Variants in DGKB observed in about 807,000 individuals in gnomAD.
DGKB encodes the protein diacylglycerol kinase beta.
DGKB carries 67 observed loss-of-function variants against 114.3 expected under a neutral mutation model. The ratio of observed to expected loss-of-function variants is 0.59; its 90% confidence interval spans 0.48 to 0.72. The LOEUF (loss-of-function observed/expected upper bound fraction) is 0.72. DGKB is among the 30% of genes least tolerant of loss of function. The pLI is 0.00. For missense variants in DGKB, 907 were observed against 975.2 expected (o/e 0.93, Z 0.93); for synonymous variants, 398 against 323.1 (o/e 1.23, Z -2.49).
chr7:14,313,831 G>A (rs1464668016), intron 23 of DGKB, among the ~76,000 whole-genome samples: 1 of 152,170 alleles, frequency 6.6e-6, no homozygotes, highest in Non-Finnish European at 1.5e-5. Flanking sequence ...TGGGGGCAGG[G>A]CACAGACAAA....
At chr7:14,723,815 T>C (rs927858494) in intron 5 of DGKB, among the ~76,000 whole-genome samples, 2 of 152,184 alleles carry the variant, frequency 1.3e-5, no homozygotes, top group African/African-American at 4.8e-5. Context: ...GCATTAGTCA[T>C]ATCGAATGTT....
chr7:14,289,216 G>A (rs1053102603), intron 23 of DGKB, among the ~76,000 whole-genome samples: 6 of 149,498 alleles, frequency 4.0e-5, no homozygotes, highest in South Asian at 4.3e-4. Flanking sequence ...TTGGTGACTC[G>A]TGCTTGAAAA....
chr7:14,794,703 A>G (rs1841154918), intron 2 of DGKB, among the ~76,000 whole-genome samples: 1 of 152,166 alleles, frequency 6.6e-6, no homozygotes, highest in Non-Finnish European at 1.5e-5. Context: ...GTCTGGCAGG[A>G]GGTCTACAGT....
intron 23 of DGKB, chr7:14,191,894 GA>G: frequency 1.8e-6 from 1 of 553,286 alleles, no homozygotes. Context: ...TGAGCTGAAG[GA>G]AAAGATTGAT....
At chr7:14,335,400 CA>C (rs960175024) in intron 23 of DGKB, among the ~76,000 whole-genome samples, 5 of 151,772 alleles carry the variant, frequency 3.3e-5, no homozygotes, top group African/African-American at 1.2e-4. Flanking sequence ...TCTCCCCCTC[CA>C]AAAGAAACTA....
At chr7:14,915,099 G>T (rs938365055) in intron 1 of DGKB, among the ~76,000 whole-genome samples, 2 of 152,188 alleles carry the variant, frequency 1.3e-5, no homozygotes, top group African/African-American at 4.8e-5. Context: ...AGGCATGGTG[G>T]CTCACACCTG....
chr7:14,170,191 A>AAGAAAGAAAGAG (rs1780771605), intron 25 of DGKB, among the ~76,000 whole-genome samples: 8 of 144,954 alleles, frequency 5.5e-5, no homozygotes, highest in Admixed American at 2.1e-4. Flanking sequence ...GAAAGAAAGA[A>AAGAAAGAAAGAG]AGAAAGAAAG....
chr7:14,961,878 G>A (rs182328211), intron 1 of DGKB, among the ~76,000 whole-genome samples: 12 of 152,054 alleles, frequency 7.9e-5, no homozygotes, highest in African/African-American at 2.4e-5. Flanking sequence ...CTCAGCCTCT[G>A]CTGCTCAGAG....
rs192881668 is a variant in DGKB, at chr7:14,145,342, A to G, written c.*3789T>C. On this transcript the variant is annotated 3_prime_UTR_variant, in exon 26 of 26. Transcript: ENST00000402815. ...TTACAAGGGTTTAATCTTTTAATAGAGATATTATTCAGTTATTTGAAAAAT... is the reference window on the plus strand; with the variant it reads ...TTACAAGGGTTTAATCTTTTAATAGGGATATTATTCAGTTATTTGAAAAAT... 6.6e-6 allele frequency: 1 copy of G among 152,310 alleles called. No homozygotes were observed. Among genetic ancestry groups the G allele is most frequent in the Non-Finnish European group, 1.5e-5 (1 of 68,026 alleles). 9.4% of individuals were successfully genotyped at this position (152,310 alleles called of 1,614,324 possible).
rs540948614 is a variant in DGKB at position 14,455,368 on chromosome 7, A to T, written c.1835+22793T>A. Among the ~76,000 whole-genome samples, 41 of 152,162 alleles carry T rather than the reference A, an allele frequency of 2.7e-4. No homozygotes were observed. In the East Asian group the frequency reaches 7.3e-3, roughly 27 times the overall value. On this transcript the variant is annotated intron_variant, in intron 21 of 25. Coordinates refer to ENST00000402815, the MANE Select transcript of DGKB (RefSeq NM_001350709.2). ...GCTGTAGAAATGCTCCCTCAAAGAAATAAGTGCAGAATGAATAAAAACAGA... is the reference window on the plus strand; with the variant it reads ...GCTGTAGAAATGCTCCCTCAAAGAATTAAGTGCAGAATGAATAAAAACAGA...
At chr7:14,397,911 A>C (rs1015126048) in intron 21 of DGKB, among the ~76,000 whole-genome samples, 3 of 152,068 alleles carry the variant, frequency 2.0e-5, no homozygotes, top group African/African-American at 7.2e-5. Flanking sequence ...AGGAACTGGG[A>C]GTCTTCTCTT....
intron 1 of DGKB, among the ~76,000 whole-genome samples, chr7:14,854,245 G>C (rs1256459855): frequency 6.6e-6 from 1 of 152,124 alleles, no homozygotes; most frequent in African/African-American, 2.4e-5. Flanking sequence ...GCCTAAAACT[G>C]TCACTTTGAT....
chr7:14,307,134 C>T (rs1182050592), intron 23 of DGKB, among the ~76,000 whole-genome samples: 1 of 152,086 alleles, frequency 6.6e-6, no homozygotes, highest in Admixed American at 6.6e-5. Context: ...GCATATAATA[C>T]TAGCACAATA....
chr7:14,310,154 C>T (rs1025671595), intron 23 of DGKB, among the ~76,000 whole-genome samples: 8 of 152,062 alleles, frequency 5.3e-5, no homozygotes, highest in African/African-American at 1.4e-4. Flanking sequence ...CTAGAAATCC[C>T]GCAAGATAAA....
At chr7:14,837,258 A>G (rs902347471) in intron 2 of DGKB, among the ~76,000 whole-genome samples, 1 of 152,182 alleles carries the variant, frequency 6.6e-6, no homozygotes, top group Non-Finnish European at 1.5e-5. Flanking sequence ...CTTATCCTTA[A>G]TTATTTTTAA....
intron 20 of DGKB, among the ~76,000 whole-genome samples, chr7:14,557,325 T>C (rs1265834548): frequency 2.0e-5 from 3 of 152,348 alleles, no homozygotes; most frequent in South Asian, 2.1e-4. Flanking sequence ...ATATTTTCCA[T>C]AGCTGTGGCT....
chr7:14,868,920 T>C (rs1852071738), intron 1 of DGKB, among the ~76,000 whole-genome samples: 1 of 152,172 alleles, frequency 6.6e-6, no homozygotes, highest in Non-Finnish European at 1.5e-5. Context: ...AATTTTAAAT[T>C]CCTCAGGGAA....
At chr7:14,585,327 TTC>T (rs1563592727) in intron 17 of DGKB, among the ~76,000 whole-genome samples, 2 of 152,144 alleles carry the variant, frequency 1.3e-5, no homozygotes, top group African/African-American at 2.4e-5. Flanking sequence ...ACTTACATAT[TTC>T]TCTGTTTTCT....
At chr7:14,644,644 A>T (rs1167170182) in intron 13 of DGKB, among the ~76,000 whole-genome samples, 5 of 152,174 alleles carry the variant, frequency 3.3e-5, no homozygotes, top group African/African-American at 7.2e-5. Context: ...TATCCTAGTC[A>T]CACACAAAAA....
Sources: allele counts gnomAD v4.1 joint callset (sites outside exome capture counted in the v4.1 genomes callset), GRCh38; gene constraint gnomAD v4.1.1; transcripts MANE v1.5; gene names NCBI Gene and HGNC (gene_info 2026-07-23, HGNC 2026-07-21).